TMEM177: variants seen among roughly 807,000 people sequenced by gnomAD.
The protein encoded by TMEM177 is transmembrane protein 177.
A neutral mutation model predicts 14.2 loss-of-function variants in TMEM177; 4 were observed. The observed-to-expected ratio is 0.28, with a 90% CI of 0.14 to 0.64. The LOEUF is 0.64. Ranked by LOEUF, TMEM177 falls within the 30% of genes least tolerant of loss-of-function variation. The pLI is 0.82. For missense variants in TMEM177, 344 were observed against 405.2 expected, an observed-to-expected ratio of 0.85 and a Z score of 1.30; for synonymous variants, 179 against 174.5, an observed-to-expected ratio of 1.03 and a Z score of -0.20.
chr2:119,709,618 G>A, the TMEM177 span, among the ~76,000 whole-genome samples: 4 of 152,268 alleles, frequency 2.6e-5, no homozygotes, highest in Admixed American at 1.3e-4. Context: ...TCAGGAGATT[G>A]AGACCATCCT....
the TMEM177 span, among the ~76,000 whole-genome samples, chr2:119,710,229 C>T: frequency 6.6e-6 from 1 of 152,320 alleles, no homozygotes; most frequent in East Asian, 1.9e-4. Context: ...GCCTTGCCAT[C>T]CCCTCAGACT....
chr2:119,718,229 C>T, the TMEM177 span, among the ~76,000 whole-genome samples: 3 of 152,186 alleles, frequency 2.0e-5, no homozygotes, highest in African/African-American at 7.2e-5. Context: ...AGGATTCTTG[C>T]AGAACCACTG....
chr2:119,691,635 G>A, the TMEM177 span, among the ~76,000 whole-genome samples: 11 of 152,168 alleles, frequency 7.2e-5, no homozygotes, highest in Admixed American at 3.9e-4. Flanking sequence ...GGACCATGTC[G>A]CTGTTCAGGA....
chr2:119,693,019 C>G, the TMEM177 span, among the ~76,000 whole-genome samples: 33 of 151,040 alleles, frequency 2.2e-4, 1 homozygote, highest in African/African-American at 7.8e-4. Context: ...GTCCCCAGGT[C>G]CCTGTGGAAA....
Position 119,681,306 on chromosome 2 carries a change from G to A in TMEM177, c.453G>A (p.Lys151=). The stretch of plus-strand genomic sequence containing the variant: ...TGACCTTGTCCCGTGAAGCCCAGAA[G>A]TTCGCCTTGGCCAGGGAAGTGGTGT... ...ASLTLSREAQ[K]FALAREVVYL... Residue 151 remains lysine (K), a synonymous_variant, in exon 2 of 2, where the codon AAG becomes AAA. Coordinates refer to ENST00000272521, the MANE Select transcript of TMEM177 (RefSeq NM_030577.3). The A allele has an allele frequency of 6.2e-7, 1 of 1,614,252 alleles. No individual in the cohort carries two copies. The highest frequency in any genetic ancestry group is 8.5e-7 in the Non-Finnish European group (1 of 1,180,036).
the TMEM177 span, among the ~76,000 whole-genome samples, chr2:119,716,068 G>T: frequency 6.6e-6 from 1 of 152,222 alleles, no homozygotes; most frequent in Non-Finnish European, 1.5e-5. Flanking sequence ...TTGCATTCCG[G>T]TGGGGAGTTG....
At chr2:119,695,250 A>G in the TMEM177 span, among the ~76,000 whole-genome samples, 301 of 152,280 alleles carry the variant, frequency 2.0e-3, no homozygotes, top group African/African-American at 6.9e-3. Flanking sequence ...TTCATTCTCT[A>G]TCCCTCCCCC....
downstream of TMEM177, among the ~76,000 whole-genome samples, chr2:119,687,697 G>T (rs1392865405): frequency 6.6e-6 from 1 of 152,054 alleles, no homozygotes. Flanking sequence ...CCAAATCATA[G>T]CACCCCAGCC....
the TMEM177 span, among the ~76,000 whole-genome samples, chr2:119,704,079 C>CT: frequency 6.6e-6 from 1 of 152,190 alleles, no homozygotes; most frequent in African/African-American, 2.4e-5. Context: ...TATTATTTCA[C>CT]TAAACCCTCA....
the TMEM177 span, among the ~76,000 whole-genome samples, chr2:119,699,279 T>G: frequency 6.6e-6 from 1 of 152,006 alleles, no homozygotes; most frequent in Admixed American, 6.6e-5. Context: ...GGAAGAGAAG[T>G]GCCAAGTGAA....
the TMEM177 span, among the ~76,000 whole-genome samples, chr2:119,696,721 AGTGG>A: frequency 6.6e-6 from 1 of 152,220 alleles, no homozygotes; most frequent in Non-Finnish European, 1.5e-5. Context: ...AAGTGAACCA[AGTGG>A]AAATCCGGGG....
At chr2:119,688,799 C>T (rs1444095121), downstream of TMEM177, among the ~76,000 whole-genome samples, 3 of 152,172 alleles carry the variant, frequency 2.0e-5, no homozygotes, top group Admixed American at 6.5e-5. Flanking sequence ...TTCTGTCTGT[C>T]GGTTACTGTG....
At chr2:119,682,537 C>T (rs1688932614), downstream of TMEM177, among the ~76,000 whole-genome samples, 1 of 152,010 alleles carries the variant, frequency 6.6e-6, no homozygotes, top group South Asian at 2.1e-4. Flanking sequence ...GTCAAGGTCC[C>T]GTGGATGCAG....
chr2:119,721,883 A>G, the TMEM177 span, among the ~76,000 whole-genome samples: 1 of 152,156 alleles, frequency 6.6e-6, no homozygotes, highest in Non-Finnish European at 1.5e-5. Context: ...GTCATCCTAG[A>G]CCTAAGACAA....
chr2:119,681,557 C>A lies in TMEM177; in HGVS notation c.704C>A (p.Thr235Lys). ...HAVESWLDRRTASLSAAYACG... is the reference protein window; with the variant it reads ...HAVESWLDRRKASLSAAYACG... ...GTGGAGTCCTGGCTGGACCGCCGCA[C>A]GGCCTCCCTCTCTGCAGCCTATGCC... The change falls in exon 2 of 2, where the codon ACG becomes AAG. Residue 235 changes from threonine (T) to lysine (K), a missense_variant. Transcript: ENST00000272521. 1 of 1,614,188 alleles carries A rather than the reference C, an allele frequency of 6.2e-7. No homozygotes were observed. Among genetic ancestry groups the A allele is most frequent in the Non-Finnish European group, 8.5e-7 (1 of 1,180,010 alleles).
chr2:119,692,237 A>G, the TMEM177 span, among the ~76,000 whole-genome samples: 1 of 152,186 alleles, frequency 6.6e-6, no homozygotes, highest in Non-Finnish European at 1.5e-5. Flanking sequence ...TTGCATCCAT[A>G]TGAATCGATT....
chr2:119,696,915 CCCA>C, the TMEM177 span, among the ~76,000 whole-genome samples: 1 of 152,106 alleles, frequency 6.6e-6, no homozygotes, highest in African/African-American at 2.4e-5. Flanking sequence ...AGGAGTTTTC[CCCA>C]CCTGTGTCTG....
chr2:119,682,931 C>T (rs917676777), downstream of TMEM177, among the ~76,000 whole-genome samples: 1 of 152,250 alleles, frequency 6.6e-6, no homozygotes, highest in Non-Finnish European at 1.5e-5. Flanking sequence ...TTGAGCCCTC[C>T]GGTGGTGGAT....
the TMEM177 span, among the ~76,000 whole-genome samples, chr2:119,715,659 C>G: frequency 6.6e-6 from 1 of 152,228 alleles, no homozygotes. Context: ...GGGCTCATTG[C>G]TTCTCTCCCA....
Sources: gnomAD v4.1 joint callset for allele counts (sites outside exome capture counted in the v4.1 genomes callset) on GRCh38, gnomAD v4.1.1 for gene constraint, MANE v1.5 for transcripts, NCBI Gene and HGNC (gene_info 2026-07-23, HGNC 2026-07-21) for gene names.